RBBP8: variants seen among roughly 807,000 people sequenced by gnomAD.
RBBP8 encodes the protein DNA endonuclease RBBP8.
A neutral mutation model predicts 108.3 loss-of-function variants in RBBP8; 88 were observed. The ratio of observed to expected loss-of-function variants is 0.81; its 90% CI spans 0.68 to 0.97. RBBP8 has a LOEUF of 0.97. RBBP8 is among the 50% of genes least tolerant of loss of function. The pLI is 0.00. For synonymous variants in RBBP8, 332 were observed against 348.2 expected (o/e 0.95, Z 0.52); for missense variants, 1,023 against 1,049.0 (o/e 0.98, Z 0.34).
chr18:22,981,153 G>T (rs184149565), intron 6 of RBBP8, among the ~76,000 whole-genome samples: 1 of 151,240 alleles, frequency 6.6e-6, no homozygotes, highest in Non-Finnish European at 1.5e-5. Context: ...TGTATTTTTA[G>T]TAGAGACAGG....
intron 16 of RBBP8, among the ~76,000 whole-genome samples, chr18:23,011,599 G>A (rs1311759193): frequency 1.3e-5 from 2 of 151,912 alleles, no homozygotes; most frequent in East Asian, 3.9e-4. Flanking sequence ...ACCACGCCTG[G>A]CTAATTTTTT....
intron 3 of RBBP8, among the ~76,000 whole-genome samples, chr18:22,927,548 GCTAGT>G (rs1246868203): frequency 6.6e-6 from 1 of 152,076 alleles, no homozygotes; most frequent in African/African-American, 2.4e-5. Context: ...TTATAATGTG[GCTAGT>G]CTAAACTGAG....
Position 22,993,525 on chromosome 18 carries a change from A to G in RBBP8, c.1698A>G (p.Lys566=). The part of the protein sequence containing the change: ...QECIILQPLN[K]CSPDNKPSLQ... Reference sequence around the variant, plus strand: ...GCATCATCCTTCAGCCCTTGAATAAATGCTCTCCAGACAATAAACCATCAT... The same window carrying G: ...GCATCATCCTTCAGCCCTTGAATAAGTGCTCTCCAGACAATAAACCATCAT... Residue 566 remains lysine, a synonymous_variant, in exon 11 of 19, where the codon AAA becomes AAG. Coordinates refer to ENST00000327155, the MANE Select transcript of RBBP8 (RefSeq NM_002894.3). The G allele has an allele frequency of 6.2e-7, 1 of 1,613,414 alleles. No individual in the cohort carries two copies. The highest frequency in any genetic ancestry group is 8.5e-7 in the Non-Finnish European group (1 of 1,179,840).
At chr18:22,997,087 A>G (rs963461864) in intron 13 of RBBP8, among the ~76,000 whole-genome samples, 2 of 152,234 alleles carry the variant, frequency 1.3e-5, no homozygotes, top group African/African-American at 4.8e-5. Context: ...TACCTTTAAA[A>G]TAATGTACCA....
intron 3 of RBBP8, among the ~76,000 whole-genome samples, chr18:22,947,233 AT>A (rs1009288727): frequency 6.6e-6 from 1 of 152,048 alleles, no homozygotes; most frequent in African/African-American, 2.4e-5. Context: ...GACAAAAAAA[AT>A]TTTCCAGTTG....
At chr18:22,959,592 TAC>T (rs1912890877) in intron 4 of RBBP8, among the ~76,000 whole-genome samples, 2 of 152,180 alleles carry the variant, frequency 1.3e-5, no homozygotes, top group Non-Finnish European at 2.9e-5. Flanking sequence ...TATTTTCTAT[TAC>T]TTGTTTTTCT....
At chr18:23,004,178 C>G (rs533896590) in intron 15 of RBBP8, among the ~76,000 whole-genome samples, 1 of 151,470 alleles carries the variant, frequency 6.6e-6, no homozygotes, top group Non-Finnish European at 1.5e-5. Flanking sequence ...TCTGCACTCA[C>G]GTTTATTGCA....
At chr18:22,992,621 C>T (rs966689153) in intron 10 of RBBP8, 127 bp from the exon 11 acceptor site, 2 of 696,784 alleles carry the variant, frequency 2.9e-6, no homozygotes, top group East Asian at 2.7e-5. Context: ...TCTCTTTTGT[C>T]ATCTAAATGA....
chr18:22,973,577 A>C (rs1012706314), intron 5 of RBBP8, among the ~76,000 whole-genome samples: 1 of 152,158 alleles, frequency 6.6e-6, no homozygotes, highest in Non-Finnish European at 1.5e-5. Flanking sequence ...TTGTCTTGTC[A>C]ATACTTTCTT....
chr18:22,979,206 A>G (rs1400908753), intron 6 of RBBP8, among the ~76,000 whole-genome samples: 2 of 152,234 alleles, frequency 1.3e-5, no homozygotes, highest in Non-Finnish European at 2.9e-5. Flanking sequence ...CAGAGGTTGC[A>G]GTGCGCTGAG....
intron 3 of RBBP8, among the ~76,000 whole-genome samples, chr18:22,923,044 A>G (rs1909659515): frequency 6.6e-6 from 1 of 152,204 alleles, no homozygotes; most frequent in Admixed American, 6.5e-5. Flanking sequence ...CACTATAACT[A>G]TACAACTTTA....
In RBBP8 at chr18:22,948,323, G is replaced by A. The variant is rs1335469902; in HGVS notation, c.153-1295G>A. On this transcript the variant is annotated intron_variant, in intron 3 of 18. Coordinates refer to ENST00000327155, the MANE Select transcript of RBBP8 (RefSeq NM_002894.3). ...GCTGAATAGGATCAGTGAAAACCTG[G>A]TGTTCCTTCTGAATTAAATATATTT... Among the ~76,000 whole-genome samples the A allele has an allele frequency of 2.6e-5, 4 of 152,080 alleles. No individual in the cohort carries two copies. The East Asian group carries it at 7.7e-4, about 29-fold the overall frequency.
At position 22,933,446 on chromosome 18, in the gene RBBP8, G is replaced by A. The variant is rs1910185385; in HGVS notation, c.-217G>A. 1 of 154,288 alleles carries A rather than the reference G, an allele frequency of 6.5e-6. No individual in the cohort carries two copies. The highest frequency in any genetic ancestry group is 6.5e-5 in the Admixed American group (1 of 15,288). The allele number at this position is 154,288 out of a possible 1,614,324, so 9.6% of individuals were successfully genotyped here. A position where few individuals can be genotyped will look rare whatever the true frequency, so the allele number is the denominator to read the frequency against. The stretch of plus-strand genomic sequence containing the variant: ...GGGTCGGCTTTCCCACCGAGGATTT[G>A]GCACTCTGGTGAGGGAAAAGGGCGA... On this transcript the variant is annotated 5_prime_UTR_variant, in exon 1 of 19. Transcript: ENST00000327155.
At chr18:22,926,305 C>A (rs1321803910) in intron 3 of RBBP8, among the ~76,000 whole-genome samples, 1 of 152,128 alleles carries the variant, frequency 6.6e-6, no homozygotes, top group Non-Finnish European at 1.5e-5. Context: ...TGTCTGTAAT[C>A]CTAACTACTC....
chr18:23,006,693 G>C (rs2046055697), intron 16 of RBBP8, among the ~76,000 whole-genome samples: 1 of 151,824 alleles, frequency 6.6e-6, no homozygotes, highest in African/African-American at 2.4e-5. Flanking sequence ...GTAGAGACAG[G>C]GTTTCACCAC....
At chr18:23,003,371 A>G (rs60756512) in intron 15 of RBBP8, among the ~76,000 whole-genome samples, 2,203 of 152,282 alleles carry the variant, frequency 0.014, 63 homozygotes, top group African/African-American at 0.051. Context: ...GATTTGTTAC[A>G]TATTTATTTT....
intron 1 of RBBP8, chr18:22,934,818 A>C (rs1462688895): frequency 6.6e-6 from 1 of 152,008 alleles, no homozygotes; most frequent in Admixed American, 6.6e-5. Flanking sequence ...TCCATCCCTG[A>C]CATAGCCATG....
chr18:22,990,945 A>G lies in RBBP8; in HGVS notation c.816A>G (p.Gln272=), dbSNP rs200428839. 1.2e-5 allele frequency: 20 copies of G among 1,612,264 alleles called. No individual in the cohort carries two copies. Among genetic ancestry groups the G allele is most frequent in the Non-Finnish European group, 5.9e-6 (7 of 1,178,580 alleles). Residue 272 remains glutamine (Q), a synonymous_variant, in exon 10 of 19, where the codon CAA becomes CAG. Coordinates refer to ENST00000327155, the MANE Select transcript of RBBP8 (RefSeq NM_002894.3). Reference sequence around the variant, plus strand: ...ATATTTTACTCTTGAAGGAAACTCAAGGTCCCATGAGCCCCCTTGGTGATG... The same window carrying G: ...ATATTTTACTCTTGAAGGAAACTCAGGGTCCCATGAGCCCCCTTGGTGATG... The part of the protein sequence containing the change: ...GLGVQEESET[Q]GPMSPLGDEL...
chr18:22,951,430 C>T (rs1295491827), intron 4 of RBBP8, among the ~76,000 whole-genome samples: 1 of 152,044 alleles, frequency 6.6e-6, no homozygotes, highest in Non-Finnish European at 1.5e-5. Context: ...AAAATAAAAT[C>T]GAATTATGTA....
Sources: allele counts gnomAD v4.1 joint callset (sites outside exome capture counted in the v4.1 genomes callset), GRCh38; gene constraint gnomAD v4.1.1; transcripts MANE v1.5; gene names NCBI Gene and HGNC (gene_info 2026-07-23, HGNC 2026-07-21).